The following TRMT44 variants were observed in gnomAD, a reference collection of about 807,000 sequenced individuals.
The protein encoded by TRMT44 is tRNA methyltransferase 44 homolog, also known as probable tRNA (uracil-O(2)-)-methyltransferase.
A neutral mutation model predicts 77.3 loss-of-function variants in TRMT44; 78 were observed. That is an observed-to-expected ratio of 1.01 (90% CI 0.84 to 1.22). The LOEUF (loss-of-function observed/expected upper bound fraction) is 1.22, where lower values mean the gene tolerates loss of function less well. TRMT44 is among the 50% of genes most tolerant of loss of function. TRMT44 has a pLI of 0.00. For missense variants in TRMT44, 1,090 were observed against 964.4 expected (o/e 1.13, Z -1.73); for synonymous variants, 391 against 383.3 (o/e 1.02, Z -0.23).
At chr4:8,506,619 T>G in the TRMT44 span, among the ~76,000 whole-genome samples, 4 of 151,890 alleles carry the variant, frequency 2.6e-5, no homozygotes, top group Non-Finnish European at 2.9e-5. Context: ...GGCTGGGAGG[T>G]GATGGCTCTG....
the TRMT44 span, among the ~76,000 whole-genome samples, chr4:8,516,172 T>C: frequency 3.3e-5 from 5 of 152,268 alleles, no homozygotes; most frequent in South Asian, 8.3e-4. Context: ...GTGGCCACGC[T>C]CCAACCCACC....
chr4:8,506,564 T>A, the TRMT44 span, among the ~76,000 whole-genome samples: 1 of 152,226 alleles, frequency 6.6e-6, no homozygotes, highest in East Asian at 1.9e-4. Context: ...AGGGTCCCTG[T>A]GTGACCTGGG....
chr4:8,514,251 CTTTT>C, the TRMT44 span, among the ~76,000 whole-genome samples: 2 of 114,268 alleles, frequency 1.8e-5, no homozygotes, highest in African/African-American at 3.3e-5. Flanking sequence ...GGGCTCTGAT[CTTTT>C]TTTTTTTTTT....
chr4:8,492,371 T>G (rs778842756), intron 2 of TRMT44, among the ~76,000 whole-genome samples: 1 of 152,208 alleles, frequency 6.6e-6, no homozygotes, highest in African/African-American at 2.4e-5. Context: ...ACCGCCGTGG[T>G]GCTGAAACCG....
downstream of TRMT44, among the ~76,000 whole-genome samples, chr4:8,497,929 G>C (rs557506575): frequency 1.7e-4 from 26 of 152,264 alleles, no homozygotes; most frequent in South Asian, 4.1e-4. Flanking sequence ...GCGTGGGGGG[G>C]GCTGGGAAAA....
At chr4:8,505,803 GT>G in the TRMT44 span, among the ~76,000 whole-genome samples, 3 of 152,314 alleles carry the variant, frequency 2.0e-5, no homozygotes, top group Admixed American at 1.3e-4. Context: ...CACAGGGGCG[GT>G]TTCCCCCATG....
At chr4:8,443,984 A>G (rs1162715622) in intron 1 of TRMT44, among the ~76,000 whole-genome samples, 1 of 152,072 alleles carries the variant, frequency 6.6e-6, no homozygotes, top group Non-Finnish European at 1.5e-5. Context: ...GAATGTGACT[A>G]AGAAATCTTA....
At chr4:8,484,680 T>G (rs1411626549) in intron 2 of TRMT44, among the ~76,000 whole-genome samples, 4 of 152,170 alleles carry the variant, frequency 2.6e-5, no homozygotes, top group Non-Finnish European at 5.9e-5. Context: ...AAAGTTGTCT[T>G]CAAGGAACAG....
At chr4:8,516,340 C>T in the TRMT44 span, among the ~76,000 whole-genome samples, 6 of 152,214 alleles carry the variant, frequency 3.9e-5, no homozygotes, top group Non-Finnish European at 7.3e-5. Context: ...ACACTCCTGA[C>T]ACCAGCTGTC....
chr4:8,465,926 T>C (rs1325766780), intron 8 of TRMT44, among the ~76,000 whole-genome samples: 1 of 152,212 alleles, frequency 6.6e-6, no homozygotes, highest in Non-Finnish European at 1.5e-5. Flanking sequence ...TTGGCTGCGA[T>C]TGAAGTGTGT....
chr4:8,445,323 G>A (rs1359668938), intron 1 of TRMT44, among the ~76,000 whole-genome samples: 1 of 152,198 alleles, frequency 6.6e-6, no homozygotes, highest in East Asian at 1.9e-4. Flanking sequence ...ATAATTCATG[G>A]AAAGAATGAT....
intron 1 of TRMT44, among the ~76,000 whole-genome samples, chr4:8,442,731 T>A (rs1724829260): frequency 6.6e-6 from 1 of 152,230 alleles, no homozygotes; most frequent in East Asian, 1.9e-4. Flanking sequence ...TGTCAGTTGC[T>A]GGAGGCTTCT....
the TRMT44 span, among the ~76,000 whole-genome samples, chr4:8,501,296 C>T: frequency 2.6e-5 from 4 of 152,110 alleles, no homozygotes; most frequent in Non-Finnish European, 5.9e-5. The surrounding 1 kb of genome is among the most constrained non-coding windows in gnomAD (Gnocchi z 4.4). Flanking sequence ...GCAGGAGAGA[C>T]CCCACCCCCA....
At chr4:8,510,475 C>T in the TRMT44 span, 4 of 153,012 alleles carry the variant, frequency 2.6e-5, no homozygotes, top group African/African-American at 9.6e-5. Flanking sequence ...GCCTTCATGC[C>T]TGCATGGTGT....
intron 8 of TRMT44, among the ~76,000 whole-genome samples, chr4:8,466,997 G>A (rs1378399691): frequency 2.0e-5 from 3 of 152,202 alleles, no homozygotes; most frequent in Non-Finnish European, 4.4e-5. Flanking sequence ...TGTAGTTGAT[G>A]CCTGGAGAGG....
intron 8 of TRMT44, among the ~76,000 whole-genome samples, chr4:8,466,487 G>A (rs184578361): frequency 5.6e-4 from 85 of 152,376 alleles, no homozygotes; most frequent in African/African-American, 2.0e-3. Flanking sequence ...TGCACCAGGA[G>A]CAGCGTTGGC....
Position 8,445,035 on chromosome 4 carries a change from G to A in TRMT44, c.620-1441G>A, listed in dbSNP as rs1339602392. 2.0e-5 allele frequency among the ~76,000 whole-genome samples: 3 copies of A among 152,098 alleles called. No individual in the cohort carries two copies. In the East Asian group the frequency reaches 5.8e-4, roughly 29 times the overall value. ...TTCTTATAAACATGCTACAGTGCAC[G>A]GGACAACTCCCAACAATAAGGAGTT... On this transcript the variant is annotated intron_variant, in intron 1 of 10. Transcript: ENST00000389737.
chr4:8,460,449 C>G (rs569781986), intron 6 of TRMT44, among the ~76,000 whole-genome samples: 1 of 152,360 alleles, frequency 6.6e-6, no homozygotes, highest in South Asian at 2.1e-4. Context: ...TACCCTCAAG[C>G]AGCTCCCACT....
the TRMT44 span, chr4:8,510,617 A>C: frequency 6.6e-6 from 1 of 152,536 alleles, no homozygotes; most frequent in Non-Finnish European, 1.5e-5. Context: ...AGAGAACACC[A>C]GGATGTGTTC....
Sources: allele counts gnomAD v4.1 joint callset (sites outside exome capture counted in the v4.1 genomes callset), GRCh38; gene constraint gnomAD v4.1.1; non-coding constraint Gnocchi (gnomAD v3.1); transcripts MANE v1.5; gene names NCBI Gene and HGNC (gene_info 2026-07-23, HGNC 2026-07-21).